The following GCNT1 variants were observed in gnomAD, a reference collection of about 807,000 sequenced individuals.
GCNT1 encodes the protein glucosaminyl (N-acetyl) transferase 1, also known as beta-1,3-galactosyl-O-glycosyl-glycoprotein beta-1,6-N-acetylglucosaminyltransferase.
GCNT1 carries 16 observed loss-of-function variants against 26.2 expected under a neutral mutation model. The observed-to-expected ratio is 0.61, with a 90% CI of 0.41 to 0.93. The LOEUF (loss-of-function observed/expected upper bound fraction) is 0.93. Ranked by LOEUF, GCNT1 falls within the 40% of genes least tolerant of loss-of-function variation. The pLI is 0.00. For synonymous variants in GCNT1, 183 were observed against 190.8 expected (o/e 0.96, Z 0.34); for missense variants, 477 against 526.7 (o/e 0.91, Z 0.92).
intron 2 of GCNT1, among the ~76,000 whole-genome samples, chr9:76,487,501 G>T (rs917958543): frequency 3.3e-5 from 5 of 152,202 alleles, no homozygotes; most frequent in African/African-American, 7.2e-5. Flanking sequence ...GTTTGTTTAT[G>T]CATAGATGTG....
intron 2 of GCNT1, among the ~76,000 whole-genome samples, chr9:76,480,463 C>T (rs949135463): frequency 4.6e-5 from 7 of 152,072 alleles, no homozygotes; most frequent in African/African-American, 1.7e-4. Context: ...GCCATTTTCA[C>T]GATATTGATT....
chr9:76,399,149 G>A, the GCNT1 span: 5 of 1,495,876 alleles, frequency 3.3e-6, no homozygotes, highest in Non-Finnish European at 4.6e-6. Flanking sequence ...GTGTAACACA[G>A]ATTCTCCTAT....
Position 76,502,300 on chromosome 9 carries a change from G to T in GCNT1, c.-82G>T. 1.1e-6 allele frequency: 1 copy of T among 930,596 alleles called. No individual in the cohort carries two copies. Among genetic ancestry groups the T allele is most frequent in the Non-Finnish European group, 1.7e-6 (1 of 604,054 alleles). 57.6% of individuals were successfully genotyped at this position (930,596 alleles called of 1,614,324 possible). On this transcript the variant is annotated 5_prime_UTR_variant, in exon 4 of 4. The change creates a new upstream start codon in the 5' untranslated region. Coordinates refer to ENST00000376730, the MANE Select transcript of GCNT1 (RefSeq NM_001490.5). ...ATAAATGCAAACTGACAACCTTCAA[G>T]GCCACGACGGAGGGAAAATCATTGG...
intron 2 of GCNT1, among the ~76,000 whole-genome samples, chr9:76,469,680 G>T (rs533649709): frequency 3.9e-5 from 6 of 152,294 alleles, no homozygotes; most frequent in Non-Finnish European, 7.4e-5. Flanking sequence ...CAGGGTGTCC[G>T]CTGTGCTCCT....
chr9:76,409,630 G>A, the GCNT1 span, among the ~76,000 whole-genome samples: 6 of 152,092 alleles, frequency 3.9e-5, no homozygotes, highest in African/African-American at 1.4e-4. Context: ...GTTTTTAGTA[G>A]AGACGGAGTT....
At chr9:76,447,332 C>T (rs1035192022) in intron 1 of GCNT1, among the ~76,000 whole-genome samples, 4 of 151,782 alleles carry the variant, frequency 2.6e-5, no homozygotes, top group African/African-American at 7.3e-5. Flanking sequence ...CTCAACCTCC[C>T]GGGCTCAGGC....
At chr9:76,431,015 A>G (rs1325895528) in intron 1 of GCNT1, among the ~76,000 whole-genome samples, 1 of 152,178 alleles carries the variant, frequency 6.6e-6, no homozygotes, top group East Asian at 1.9e-4. Context: ...GCACACACAT[A>G]CACAGGAAAA....
the GCNT1 span, chr9:76,394,012 G>T: frequency 7.1e-7 from 1 of 1,404,762 alleles, no homozygotes; most frequent in Non-Finnish European, 9.7e-7. Flanking sequence ...CCACGCCCCG[G>T]TCCCAAGTCC....
upstream of GCNT1, among the ~76,000 whole-genome samples, chr9:76,454,386 GA>G (rs71372084): frequency 0.013 from 533 of 39,616 alleles, no homozygotes; most frequent in East Asian, 0.024. Context: ...TCTCAGAAAA[GA>G]AAAAAAAAAA....
chr9:76,481,097 G>T (rs1824410182), intron 2 of GCNT1, among the ~76,000 whole-genome samples: 1 of 152,126 alleles, frequency 6.6e-6, no homozygotes, highest in Non-Finnish European at 1.5e-5. Context: ...AAATTAGCCA[G>T]ATTGGTGGCG....
At chr9:76,439,894 G>A (rs1325297324), upstream of GCNT1, among the ~76,000 whole-genome samples, 1 of 152,040 alleles carries the variant, frequency 6.6e-6, no homozygotes, top group Non-Finnish European at 1.5e-5. Flanking sequence ...GAGGTCAGGA[G>A]ATCGAGACCA....
At chr9:76,427,954 A>ACTGGGCAACAGAG (rs2131574916) in intron 1 of GCNT1, among the ~76,000 whole-genome samples, 2 of 151,856 alleles carry the variant, frequency 1.3e-5, no homozygotes, top group East Asian at 3.9e-4. Flanking sequence ...TGTAATCCAG[A>ACTGGGCAACAGAG]CTGGGCAACA....
At chr9:76,412,016 T>C in the GCNT1 span, among the ~76,000 whole-genome samples, 1 of 152,190 alleles carries the variant, frequency 6.6e-6, no homozygotes, top group South Asian at 2.1e-4. Context: ...ATGCTTCTTT[T>C]AAAAAATAAT....
the GCNT1 span, among the ~76,000 whole-genome samples, chr9:76,407,817 T>C: frequency 1.3e-5 from 2 of 152,218 alleles, no homozygotes; most frequent in Non-Finnish European, 2.9e-5. Context: ...GTTTTTCTCA[T>C]ATAGATCTTG....
chr9:76,396,417 TC>T, the GCNT1 span, among the ~76,000 whole-genome samples: 399 of 142,802 alleles, frequency 2.8e-3, 1 homozygote, highest in African/African-American at 1.0e-2. Context: ...TAGGGAGACT[TC>T]CGTCTATCCA....
At chr9:76,450,255 A>T (rs540614136) in intron 1 of GCNT1, among the ~76,000 whole-genome samples, 1 of 152,270 alleles carries the variant, frequency 6.6e-6, no homozygotes, top group East Asian at 1.9e-4. Context: ...TTTTCCTTTG[A>T]AATGTTTATA....
At chr9:76,410,487 C>T in the GCNT1 span, among the ~76,000 whole-genome samples, 2 of 152,036 alleles carry the variant, frequency 1.3e-5, no homozygotes, top group Non-Finnish European at 2.9e-5. Flanking sequence ...TGCGGTGGCT[C>T]AGGCGTGTCA....
At chr9:76,492,907 A>T (rs1227616914) in intron 2 of GCNT1, among the ~76,000 whole-genome samples, 1 of 151,930 alleles carries the variant, frequency 6.6e-6, no homozygotes, top group Non-Finnish European at 1.5e-5. Flanking sequence ...CGAGGTTGCG[A>T]GGTTTAATAA....
chr9:76,421,232 A>G (rs558100240), intron 1 of GCNT1, among the ~76,000 whole-genome samples: 9 of 152,348 alleles, frequency 5.9e-5, no homozygotes, highest in Admixed American at 5.9e-4. Context: ...AGTGTCAGCA[A>G]TTCACCTTTA....
Sources: allele counts gnomAD v4.1 joint callset (sites outside exome capture counted in the v4.1 genomes callset), GRCh38; gene constraint gnomAD v4.1.1; transcripts MANE v1.5; gene names NCBI Gene and HGNC (gene_info 2026-07-23, HGNC 2026-07-21).